The following JAKMIP3 variants were observed in gnomAD, a reference collection of about 807,000 sequenced individuals.
JAKMIP3 encodes janus kinase and microtubule-interacting protein 3.
A neutral mutation model predicts 118.5 loss-of-function variants in JAKMIP3; 58 were observed. The ratio of observed to expected loss-of-function variants is 0.49; its 90% CI spans 0.40 to 0.61. The LOEUF (loss-of-function observed/expected upper bound fraction) is 0.61, where lower values mean the gene tolerates loss of function less well. Ranked by LOEUF, JAKMIP3 falls within the 20% of genes least tolerant of loss-of-function variation. The probability of loss-of-function intolerance (pLI) is 0.00; values close to 1 mark genes in which losing one functional copy is unlikely to be tolerated. For missense variants in JAKMIP3, 950 were observed against 1,109.0 expected (o/e 0.86, Z 2.04); for synonymous variants, 486 against 451.2 (o/e 1.08, Z -0.98).
At chr10:132,181,974 A>C (rs1219969533) in intron 23 of JAKMIP3, among the ~76,000 whole-genome samples, 1 of 152,272 alleles carries the variant, frequency 6.6e-6, no homozygotes, top group African/African-American at 2.4e-5. Context: ...AAAAATGGAA[A>C]GGTAATAAAA....
chr10:132,046,006 A>G (rs913433518), intron 1 of JAKMIP3, among the ~76,000 whole-genome samples: 1 of 152,012 alleles, frequency 6.6e-6, no homozygotes, highest in Non-Finnish European at 1.5e-5. Context: ...AAATGCATGG[A>G]TCTTGAGTGA....
At chr10:132,155,264 G>A (rs2136265008) in intron 19 of JAKMIP3, among the ~76,000 whole-genome samples, 1 of 152,148 alleles carries the variant, frequency 6.6e-6, no homozygotes, top group Admixed American at 6.5e-5. Context: ...TAATGATAGT[G>A]TTATAATGAC....
At chr10:132,147,482 C>A (rs891050989) in intron 13 of JAKMIP3, among the ~76,000 whole-genome samples, 55 of 152,302 alleles carry the variant, frequency 3.6e-4, no homozygotes, top group African/African-American at 1.2e-3. Flanking sequence ...GCCGTGGTAC[C>A]CGCTCCTTCC....
chr10:132,150,711 C>T lies in JAKMIP3; in HGVS notation c.2007+670C>T, dbSNP rs557260378. ...ATCCGTCCTCCATAATCCATCTATC[C>T]GTCCTCCATAATCCATCTATCCGTC... On this transcript the variant is annotated intron_variant, in intron 16 of 23. Transcript: ENST00000684848. 7.2e-5 allele frequency among the ~76,000 whole-genome samples: 11 copies of T among 151,988 alleles called. No homozygotes were observed. The East Asian group carries it at 7.8e-4, about 11-fold the overall frequency.
At chr10:132,120,988 C>T (rs541085244) in intron 3 of JAKMIP3, among the ~76,000 whole-genome samples, 7 of 152,304 alleles carry the variant, frequency 4.6e-5, no homozygotes, top group African/African-American at 1.7e-4. Flanking sequence ...TGAGAGGCAG[C>T]TTCATGAGGA....
intron 23 of JAKMIP3, among the ~76,000 whole-genome samples, chr10:132,176,591 C>T (rs1305990389): frequency 6.6e-6 from 1 of 152,172 alleles, no homozygotes; most frequent in Non-Finnish European, 1.5e-5. Context: ...ACAACGCAGA[C>T]TACTAACCGC....
chr10:132,116,475 C>T (rs557047129), intron 2 of JAKMIP3, among the ~76,000 whole-genome samples: 2 of 126,238 alleles, frequency 1.6e-5, no homozygotes, highest in South Asian at 2.6e-4. Context: ...GTGTGTGCAA[C>T]GTGGAAGCTC....
chr10:132,180,065 A>T lies in JAKMIP3; in HGVS notation c.*1104-2292A>T, dbSNP rs1488225299. Among the ~76,000 whole-genome samples, 3 of 152,162 alleles carry T rather than the reference A, an allele frequency of 2.0e-5. No homozygotes were observed. The East Asian group carries it at 5.8e-4, about 29-fold the overall frequency. On this transcript the variant is annotated intron_variant, in intron 23 of 23. Coordinates refer to ENST00000684848, the MANE Select transcript of JAKMIP3 (RefSeq NM_001323087.2). ...AGTTGTGCGCCCCCCACCCACTAAC[A>T]TGCCAGGCCCTCAAAAGGAAGGCTG...
In JAKMIP3 at chr10:132,163,413, G is replaced by T; in HGVS notation, c.2424+1G>T. ...GGAGCTGCTGCAGCTGGCTCAGCAG[G>T]TGTGTGGCAGGCGGGGGCAGGGCTG... is the stretch of plus-strand genomic sequence containing the variant. On this transcript the variant is annotated splice_donor_variant, in intron 20 of 23. Coordinates refer to ENST00000684848, the MANE Select transcript of JAKMIP3 (RefSeq NM_001323087.2). LOFTEE classifies it high-confidence loss of function. The T allele has an allele frequency of 1.3e-6, 2 of 1,595,092 alleles. No individual in the cohort carries two copies. The highest frequency in any genetic ancestry group is 2.2e-5 in the East Asian group (1 of 44,586).
chr10:132,135,282 C>T (rs1164425357), intron 5 of JAKMIP3, 122 bp downstream of exon 5: 3 of 980,620 alleles, frequency 3.1e-6, no homozygotes, highest in South Asian at 1.7e-5. Flanking sequence ...ACCGGCCTTG[C>T]GTCGAAGTCT....
intron 9 of JAKMIP3, 33 bp downstream of exon 9, chr10:132,138,211 TACGCCGGGTGTGTGCGGAGAGG>T (rs770301481): frequency 2.5e-5 from 39 of 1,575,678 alleles, no homozygotes; most frequent in African/African-American, 1.7e-4. Flanking sequence ...GTGCGGAGAG[TACGCCGGGTGTGTGCGGAGAGG>T]ACCACGCCCG....
In JAKMIP3 at chr10:132,140,480, C is replaced by T. The variant is rs374584141; in HGVS notation, c.1374C>T (p.Tyr458=). 181 of 1,613,862 alleles carry T rather than the reference C, an allele frequency of 1.1e-4. 1 individual carries two copies. The highest frequency in any genetic ancestry group is 8.5e-4 in the South Asian group (77 of 91,080). The stretch of plus-strand genomic sequence containing the variant: ...TGGTTGTGGAGACCTTCTTTGGATA[C>T]GACGAAGAGGCTTCCCTGGAATCCG... ...KPVVVETFFG[Y]DEEASLESDG... The change falls in exon 10 of 24, where the codon TAC becomes TAT. Residue 458 remains tyrosine, a synonymous_variant. Transcript: ENST00000684848.
intron 1 of JAKMIP3, among the ~76,000 whole-genome samples, chr10:132,036,882 A>G (rs939451964): frequency 2.9e-4 from 44 of 151,746 alleles, no homozygotes; most frequent in African/African-American, 1.0e-3. Flanking sequence ...CGCGGCAGAG[A>G]CGCCCCTGTC....
At chr10:132,163,549 A>AAC (rs759882420) in intron 20 of JAKMIP3, 137 bp downstream of exon 20, 22 of 726,578 alleles carry the variant, frequency 3.0e-5, no homozygotes, top group Non-Finnish European at 4.5e-5. Flanking sequence ...CACCCCTCAT[A>AAC]ACACACACTC....
chr10:132,138,422 G>A (rs535664396), intron 9 of JAKMIP3, among the ~76,000 whole-genome samples: 2 of 147,412 alleles, frequency 1.4e-5, no homozygotes, highest in South Asian at 2.2e-4. Context: ...GGGTGCGCCG[G>A]TGTATGTGGA....
chr10:132,157,679 G>A (rs866648708), intron 19 of JAKMIP3, among the ~76,000 whole-genome samples: 8 of 152,124 alleles, frequency 5.3e-5, no homozygotes, highest in Admixed American at 3.3e-4. Context: ...GCAACTCCAC[G>A]CCACGTCTGT....
chr10:132,114,817 G>C lies in JAKMIP3; in HGVS notation c.136-2260G>C, dbSNP rs138718331. On this transcript the variant is annotated intron_variant, in intron 2 of 23. Transcript: ENST00000684848. ...TTTTCAGCACCGAGGTCTTGGGCGT[G>C]TTTTCTAACACGTCATCAAAAGTGT... Among the ~76,000 whole-genome samples the C allele has an allele frequency of 5.4e-3, 825 of 152,146 alleles. 5 individuals carry two copies. The highest frequency in any genetic ancestry group is 8.5e-3 in the Non-Finnish European group (576 of 67,992).
intron 2 of JAKMIP3, 108 bp from the exon 3 acceptor site, chr10:132,116,969 T>C: frequency 7.8e-7 from 1 of 1,276,618 alleles, no homozygotes; most frequent in Non-Finnish European, 1.1e-6. Flanking sequence ...GAATACACAT[T>C]CAGGTGTGAG....
intron 23 of JAKMIP3, among the ~76,000 whole-genome samples, chr10:132,172,624 C>G (rs953106062): frequency 2.0e-5 from 3 of 151,968 alleles, no homozygotes; most frequent in Non-Finnish European, 4.4e-5. Flanking sequence ...CAGTCTGTCC[C>G]TGGGTCGTGG....
Sources: allele counts gnomAD v4.1 joint callset (sites outside exome capture counted in the v4.1 genomes callset), GRCh38; gene constraint gnomAD v4.1.1; transcripts MANE v1.5; gene names NCBI Gene and HGNC (gene_info 2026-07-23, HGNC 2026-07-21).